The following ZNF184 variants were observed in gnomAD, a reference collection of about 807,000 sequenced individuals.
The protein encoded by ZNF184 is zinc finger protein 184.
In ZNF184, 16 loss-of-function variants were observed where a neutral mutation model predicts 54.4. The observed-to-expected ratio is 0.29, with a 90% CI of 0.20 to 0.45. The LOEUF (loss-of-function observed/expected upper bound fraction) is 0.45. Ranked by LOEUF, ZNF184 falls within the 20% of genes least tolerant of loss-of-function variation. The pLI, the probability that ZNF184 is intolerant of heterozygous loss-of-function variation, is 1.00. For missense variants in ZNF184, 681 were observed against 888.2 expected, an observed-to-expected ratio of 0.77 and a Z score of 2.97; for synonymous variants, 254 against 295.3, an observed-to-expected ratio of 0.86 and a Z score of 1.43.
At chr6:27,448,407 A>G (rs773999783), downstream of ZNF184, among the ~76,000 whole-genome samples, 2 of 152,198 alleles carry the variant, frequency 1.3e-5, no homozygotes, top group Non-Finnish European at 2.9e-5. Context: ...CTGTACTCTT[A>G]ACGCTTTATA....
At chr6:27,437,193 A>G in the ZNF184 span, among the ~76,000 whole-genome samples, 2 of 152,226 alleles carry the variant, frequency 1.3e-5, no homozygotes, top group Admixed American at 1.3e-4. Context: ...TGTAGATGTA[A>G]TTAAGATTAC....
At chr6:27,412,356 C>T in the ZNF184 span, among the ~76,000 whole-genome samples, 1 of 152,184 alleles carries the variant, frequency 6.6e-6, no homozygotes, top group African/African-American at 2.4e-5. Flanking sequence ...CTGTCAGGAG[C>T]AGTGTAGGGT....
chr6:27,455,047 G>A (rs1243547868), intron 5 of ZNF184, among the ~76,000 whole-genome samples: 1 of 152,094 alleles, frequency 6.6e-6, no homozygotes, highest in African/African-American at 2.4e-5. Context: ...CAGGGCTAGT[G>A]GCCAAACTCA....
the ZNF184 span, chr6:27,407,089 G>T: frequency 6.5e-6 from 1 of 152,800 alleles, no homozygotes; most frequent in Non-Finnish European, 1.5e-5. Context: ...ACCCTCAGGG[G>T]CTGAAGACCT....
At chr6:27,443,297 G>A in the ZNF184 span, among the ~76,000 whole-genome samples, 1 of 152,114 alleles carries the variant, frequency 6.6e-6, no homozygotes, top group Non-Finnish European at 1.5e-5. Flanking sequence ...TCAGGCCATT[G>A]TTTCTCTCCC....
chr6:27,442,888 A>AG, the ZNF184 span, among the ~76,000 whole-genome samples: 12 of 122,730 alleles, frequency 9.8e-5, 1 homozygote, highest in Non-Finnish European at 1.5e-4. Context: ...GAAAAAGAAA[A>AG]AAAGAAAGAA....
Position 27,456,881 on chromosome 6 carries a change from C to A in ZNF184, c.243G>T (p.Glu81Asp). The change falls in exon 5 of 6, where the codon GAG (glutamate) becomes GAT (aspartate). Residue 81 changes from glutamate to aspartate, a missense_variant. By Grantham distance (45) the Glu-to-Asp change is conservative. Transcript: ENST00000683788. ...CCATGATCCATGGCTCTGTCCCTTG[C>A]TCTAACTGGGAAATCACATCAGGTT... ...VSKPDVISQL[E>D]QGTEPWIMEP... is the part of the protein sequence containing the mutation. The A allele has an allele frequency of 6.2e-7, 1 of 1,614,116 alleles. No individual in the cohort carries two copies. Among genetic ancestry groups the A allele is most frequent in the Non-Finnish European group, 8.5e-7 (1 of 1,180,020 alleles).
At chr6:27,465,858 T>C (rs1342753688) in intron 3 of ZNF184, among the ~76,000 whole-genome samples, 3 of 98,516 alleles carry the variant, frequency 3.0e-5, no homozygotes, top group African/African-American at 9.7e-5. Flanking sequence ...AGTAAGGATA[T>C]AAAAGACTTG....
intron 3 of ZNF184, among the ~76,000 whole-genome samples, chr6:27,460,028 G>A (rs1039742557): frequency 6.6e-6 from 1 of 152,088 alleles, no homozygotes; most frequent in African/African-American, 2.4e-5. Flanking sequence ...TAAGCTGGGC[G>A]TGGTGGCACG....
At chr6:27,437,323 T>A in the ZNF184 span, among the ~76,000 whole-genome samples, 1 of 152,274 alleles carries the variant, frequency 6.6e-6, no homozygotes, top group Middle Eastern at 3.4e-3. Flanking sequence ...TGGTTCATAG[T>A]TTTGAAGATG....
At chr6:27,426,783 A>G in the ZNF184 span, among the ~76,000 whole-genome samples, 4 of 152,140 alleles carry the variant, frequency 2.6e-5, no homozygotes, top group African/African-American at 7.2e-5. This position sits in a 1 kb window ranked among gnomAD's most constrained non-coding sequence, Gnocchi z 4.2. Flanking sequence ...CACTTATTCC[A>G]TAGCCTCTTA....
At chr6:27,458,883 A>C (rs1762930620) in intron 3 of ZNF184, among the ~76,000 whole-genome samples, 1 of 152,234 alleles carries the variant, frequency 6.6e-6, no homozygotes, top group Non-Finnish European at 1.5e-5. Flanking sequence ...TACACAAGGG[A>C]ATACCATTCA....
At chr6:27,438,303 A>G in the ZNF184 span, among the ~76,000 whole-genome samples, 12 of 152,214 alleles carry the variant, frequency 7.9e-5, no homozygotes, top group Non-Finnish European at 7.3e-5. Context: ...TTATATTTGT[A>G]TCTGTAATTT....
At chr6:27,442,604 A>AAAGCAAGT in the ZNF184 span, among the ~76,000 whole-genome samples, 1 of 151,808 alleles carries the variant, frequency 6.6e-6, no homozygotes, top group South Asian at 2.1e-4. Context: ...TGAAAGCAAG[A>AAAGCAAGT]AAGCAAGTAA....
rs181363048 is a variant in ZNF184, at chr6:27,456,028, C to T, written c.298+798G>A. ...ATTGCAGCACTTTGAGACGCTGAGGCGGGTAGATCACTTGAGCCCAGGAGT... is the reference window on the plus strand; with the variant it reads ...ATTGCAGCACTTTGAGACGCTGAGGTGGGTAGATCACTTGAGCCCAGGAGT... On this transcript the variant is annotated intron_variant, in intron 5 of 5. Transcript: ENST00000683788. Among the ~76,000 whole-genome samples the T allele has an allele frequency of 1.4e-3, 218 of 152,186 alleles. 1 individual carries two copies. Among genetic ancestry groups the T allele is most frequent in the Admixed American group, 4.4e-3 (67 of 15,278 alleles).
the ZNF184 span, among the ~76,000 whole-genome samples, chr6:27,420,089 A>G: frequency 2.6e-5 from 4 of 152,170 alleles, no homozygotes; most frequent in Non-Finnish European, 5.9e-5. Context: ...AGAAGCCTAC[A>G]CTGCAATTGC....
chr6:27,421,872 C>T, the ZNF184 span, among the ~76,000 whole-genome samples: 1 of 152,082 alleles, frequency 6.6e-6, no homozygotes, highest in Non-Finnish European at 1.5e-5. Flanking sequence ...GAATTTGAGA[C>T]CAGCATGGGC....
At chr6:27,466,795 G>T (rs1561842760) in intron 3 of ZNF184, among the ~76,000 whole-genome samples, 1 of 152,158 alleles carries the variant, frequency 6.6e-6, no homozygotes, top group African/African-American at 2.4e-5. Flanking sequence ...TTAAGAAGGA[G>T]GAGGGCTTGA....
At chr6:27,465,163 TAAAA>T (rs747168494) in intron 3 of ZNF184, among the ~76,000 whole-genome samples, 7 of 142,282 alleles carry the variant, frequency 4.9e-5, no homozygotes, top group South Asian at 2.3e-4. Flanking sequence ...TTCTGTTATT[TAAAA>T]AAAAAAGAAA....
Sources: gnomAD v4.1 joint callset for allele counts (sites outside exome capture counted in the v4.1 genomes callset) on GRCh38, gnomAD v4.1.1 for gene constraint, Gnocchi (gnomAD v3.1) non-coding constraint, MANE v1.5 for transcripts, NCBI Gene and HGNC (gene_info 2026-07-23, HGNC 2026-07-21) for gene names.